Variants in FRMD6 observed in about 807,000 individuals in gnomAD.
The protein encoded by FRMD6 is FERM domain-containing protein 6.
In FRMD6, 37 loss-of-function variants were observed where a neutral mutation model predicts 73.2. The observed-to-expected ratio is 0.51, with a 90% CI of 0.39 to 0.66. The LOEUF (loss-of-function observed/expected upper bound fraction) is 0.66. Among genes scored for constraint, FRMD6 ranks in the 30% least tolerant of loss-of-function variants. FRMD6 has a pLI of 0.00. For synonymous variants in FRMD6, 273 were observed against 282.2 expected (o/e 0.97, Z 0.33); for missense variants, 714 against 780.5 (o/e 0.91, Z 1.02).
chr14:51,511,611 T>A (rs929412012), intron 1 of FRMD6, among the ~76,000 whole-genome samples: 10 of 152,098 alleles, frequency 6.6e-5, no homozygotes, highest in African/African-American at 1.9e-4. Context: ...GGGAAAAGAT[T>A]GATTAAGAAC....
At chr14:51,502,978 C>T (rs1247183798) in intron 1 of FRMD6, among the ~76,000 whole-genome samples, 1 of 152,126 alleles carries the variant, frequency 6.6e-6, no homozygotes, top group Non-Finnish European at 1.5e-5. Context: ...GGAGTTCATT[C>T]ATGATTTGGC....
intron 2 of FRMD6, among the ~76,000 whole-genome samples, chr14:51,581,747 T>C (rs988748069): frequency 6.6e-6 from 1 of 152,186 alleles, no homozygotes; most frequent in Non-Finnish European, 1.5e-5. Flanking sequence ...GGATTCAGAG[T>C]GTCTAAGCAG....
intron 1 of FRMD6, among the ~76,000 whole-genome samples, chr14:51,667,927 T>C (rs763255427): frequency 1.1e-4 from 16 of 152,236 alleles, no homozygotes; most frequent in Non-Finnish European, 1.8e-4. Flanking sequence ...TATTTGCTTC[T>C]ACAGGTGCCT....
At chr14:51,493,206 A>C (rs1435323416) in intron 1 of FRMD6, among the ~76,000 whole-genome samples, 1 of 152,160 alleles carries the variant, frequency 6.6e-6, no homozygotes, top group Non-Finnish European at 1.5e-5. Flanking sequence ...TATTTGTATC[A>C]CTTTAGATTT....
Position 51,585,960 on chromosome 14 carries a change from T to TATATAA in FRMD6, c.-147+15551_-147+15552insTATAAA, listed in dbSNP as rs369811499. Among the ~76,000 whole-genome samples, 245 of 91,038 alleles carry TATATAA rather than the reference T, an allele frequency of 2.7e-3. 16 individuals carry two copies. The highest frequency in any genetic ancestry group is 7.4e-3 in the African/African-American group (204 of 27,492). The allele number at this position is 91,038 out of a possible 152,430, so 59.7% of individuals were successfully genotyped here. The stretch of plus-strand genomic sequence containing the variant: ...GTGTGTATATATATATATATATATA[T>TATATAA]AACATTTTCTTTATCAAACCTTTGT... On this transcript the variant is annotated intron_variant, in intron 2 of 14. Transcript: ENST00000356218.
At chr14:51,673,959 C>T (rs1258634621) in intron 1 of FRMD6, among the ~76,000 whole-genome samples, 1 of 152,150 alleles carries the variant, frequency 6.6e-6, no homozygotes, top group East Asian at 1.9e-4. Flanking sequence ...ACCTCAGCTA[C>T]AGTTTTCAGT....
Position 51,725,690 on chromosome 14 carries a change from C to A in FRMD6, c.1493-89C>A, listed in dbSNP as rs28651692. 1.7e-5 allele frequency: 17 copies of A among 1,012,368 alleles called. No individual in the cohort carries two copies. The South Asian group carries it at 1.9e-4, about 11-fold the overall frequency. 62.7% of individuals were successfully genotyped at this position (1,012,368 alleles called of 1,614,324 possible). ...TGGTAATGGTTAATATTTGATTTTTCATTCCTGATAGCAATATGTCAGAAT... is the reference window on the plus strand; with the variant it reads ...TGGTAATGGTTAATATTTGATTTTTAATTCCTGATAGCAATATGTCAGAAT... On this transcript the variant is annotated intron_variant, in intron 12 of 13. Transcript: ENST00000344768.
At chr14:51,495,557 G>C (rs1206194127) in intron 1 of FRMD6, among the ~76,000 whole-genome samples, 1 of 152,204 alleles carries the variant, frequency 6.6e-6, no homozygotes, top group Non-Finnish European at 1.5e-5. Flanking sequence ...GACAGTCCTA[G>C]GCTGCCCTGT....
intron 1 of FRMD6, among the ~76,000 whole-genome samples, chr14:51,556,011 G>T (rs1029353042): frequency 5.3e-5 from 8 of 152,130 alleles, no homozygotes; most frequent in African/African-American, 1.9e-4. Flanking sequence ...GTAGTCATTT[G>T]TACCTACCTC....
intron 1 of FRMD6, among the ~76,000 whole-genome samples, chr14:51,569,792 A>G (rs571604123): frequency 6.7e-6 from 1 of 148,218 alleles, no homozygotes; most frequent in South Asian, 2.1e-4. Flanking sequence ...TTGAGGCATC[A>G]TGCCCGGCCA....
chr14:51,412,039 C>T, the FRMD6 span, among the ~76,000 whole-genome samples: 1 of 152,124 alleles, frequency 6.6e-6, no homozygotes, highest in Non-Finnish European at 1.5e-5. Context: ...AAAGTCTTCA[C>T]TATTGTACTG....
At chr14:51,687,442 T>C (rs1245341373) in intron 1 of FRMD6, among the ~76,000 whole-genome samples, 1 of 152,290 alleles carries the variant, frequency 6.6e-6, no homozygotes, top group East Asian at 1.9e-4. Flanking sequence ...TATCAATATA[T>C]AGGGGAAAAT....
intron 1 of FRMD6, among the ~76,000 whole-genome samples, chr14:51,559,351 G>C (rs1203295277): frequency 1.3e-5 from 2 of 152,162 alleles, no homozygotes; most frequent in Admixed American, 1.3e-4. Flanking sequence ...TTCTCAAAGT[G>C]TGGTCCTTAG....
intron 2 of FRMD6, among the ~76,000 whole-genome samples, chr14:51,573,197 C>T (rs940597125): frequency 6.6e-6 from 1 of 152,172 alleles, no homozygotes; most frequent in East Asian, 1.9e-4. Flanking sequence ...GGGGGTTATG[C>T]ATCACTTAAA....
At chr14:51,596,695 C>T (rs1374866159) in intron 2 of FRMD6, among the ~76,000 whole-genome samples, 2 of 152,184 alleles carry the variant, frequency 1.3e-5, no homozygotes, top group African/African-American at 4.8e-5. Context: ...GTGAATACCA[C>T]TTGCAATGTG....
At chr14:51,408,602 A>G in the FRMD6 span, among the ~76,000 whole-genome samples, 1 of 152,086 alleles carries the variant, frequency 6.6e-6, no homozygotes, top group Non-Finnish European at 1.5e-5. Flanking sequence ...CCTTTTACTC[A>G]TATTACAATC....
intron 1 of FRMD6, among the ~76,000 whole-genome samples, chr14:51,543,873 G>C (rs1234901525): frequency 6.6e-6 from 1 of 152,040 alleles, no homozygotes; most frequent in Non-Finnish European, 1.5e-5. Context: ...AAATCAGGCA[G>C]TGAAGTCAGT....
At chr14:51,634,067 T>C (rs1384360679) in intron 2 of FRMD6, among the ~76,000 whole-genome samples, 3 of 152,212 alleles carry the variant, frequency 2.0e-5, no homozygotes, top group African/African-American at 7.2e-5. Context: ...TGTCCTAAGA[T>C]ACAACGTCCA....
At chr14:51,709,620 A>G (rs1444385516) in intron 7 of FRMD6, among the ~76,000 whole-genome samples, 3 of 152,200 alleles carry the variant, frequency 2.0e-5, no homozygotes, top group Non-Finnish European at 4.4e-5. Context: ...CTTGAAAGGC[A>G]TAATTGAGTT....
Sources: gnomAD v4.1 joint callset for allele counts (sites outside exome capture counted in the v4.1 genomes callset) on GRCh38, gnomAD v4.1.1 for gene constraint, MANE v1.5 for transcripts, NCBI Gene and HGNC (gene_info 2026-07-23, HGNC 2026-07-21) for gene names.